ANKS1B: variants seen among roughly 807,000 people sequenced by gnomAD.
ANKS1B encodes ankyrin repeat and sterile alpha motif domain-containing protein 1B.
A neutral mutation model predicts 148.3 loss-of-function variants in ANKS1B; 36 were observed. That is an observed-to-expected ratio of 0.24 (90% CI 0.19 to 0.32). The LOEUF (loss-of-function observed/expected upper bound fraction) is 0.32. Among genes scored for constraint, ANKS1B ranks in the 10% least tolerant of loss-of-function variants. The pLI, the probability that ANKS1B is intolerant of heterozygous loss-of-function variation, is 1.00. For missense variants in ANKS1B, 1,157 were observed against 1,542.6 expected, an observed-to-expected ratio of 0.75 and a Z score of 4.19; for synonymous variants, 542 against 560.8, an observed-to-expected ratio of 0.97 and a Z score of 0.47.
rs534503957 is a variant in ANKS1B, at chr12:99,138,072, G to A, written c.2526+16217C>T. On this transcript the variant is annotated intron_variant, in intron 15 of 26. Transcript: ENST00000683438. The stretch of plus-strand genomic sequence containing the variant: ...TATTAGCATCATTACTATGATCAAT[G>A]TTTGTATTTAGAAGCCCTAGCATAA... Among the ~76,000 whole-genome samples the A allele has an allele frequency of 2.4e-4, 36 of 152,282 alleles. No individual in the cohort carries two copies. In the South Asian group the frequency reaches 6.4e-3, roughly 27 times the overall value.
rs372034519 is a variant in ANKS1B, at chr12:99,132,086, C to T, written c.2526+22203G>A. Among the ~76,000 whole-genome samples, 59 of 152,244 alleles carry T rather than the reference C, an allele frequency of 3.9e-4. No individual in the cohort carries two copies. In the South Asian group the frequency reaches 0.012, roughly 30 times the overall value. On this transcript the variant is annotated intron_variant, in intron 15 of 26. Coordinates refer to ENST00000683438, the MANE Select transcript of ANKS1B (RefSeq NM_001352186.2). ...CCAAGACTCCCCCTCCTTCCAGCAC[C>T]GCCTCATGGTTTCCATGGCAACAGA... is the stretch of plus-strand genomic sequence containing the variant.
chr12:99,530,607 T>C (rs979700327), intron 9 of ANKS1B, among the ~76,000 whole-genome samples: 8 of 152,196 alleles, frequency 5.3e-5, no homozygotes, highest in Non-Finnish European at 1.2e-4. Flanking sequence ...CCATTTTTAT[T>C]AATCACAACA....
intron 1 of ANKS1B, among the ~76,000 whole-genome samples, chr12:99,834,721 C>A (rs984066816): frequency 6.6e-5 from 10 of 152,122 alleles, no homozygotes; most frequent in Non-Finnish European, 1.3e-4. Flanking sequence ...ATTATTATAC[C>A]TTCCATCAGT....
chr12:99,370,950 G>A (rs1231924492), intron 12 of ANKS1B, among the ~76,000 whole-genome samples: 2 of 152,070 alleles, frequency 1.3e-5, no homozygotes, highest in African/African-American at 2.4e-5. Context: ...GACAAACTGG[G>A]TTTCATATTC....
intron 8 of ANKS1B, among the ~76,000 whole-genome samples, chr12:99,700,589 A>G (rs1403956513): frequency 6.6e-6 from 1 of 152,076 alleles, no homozygotes; most frequent in Non-Finnish European, 1.5e-5. Flanking sequence ...CTCAGCACAT[A>G]ATATTTTTTT....
chr12:99,131,191 C>A (rs1356435570), intron 15 of ANKS1B, among the ~76,000 whole-genome samples: 3 of 152,172 alleles, frequency 2.0e-5, no homozygotes, highest in Non-Finnish European at 4.4e-5. Flanking sequence ...GGGGCCAGGA[C>A]AGTCCCTGGC....
intron 8 of ANKS1B, among the ~76,000 whole-genome samples, chr12:99,697,826 G>C (rs1323021429): frequency 1.3e-5 from 2 of 152,106 alleles, no homozygotes; most frequent in Non-Finnish European, 2.9e-5. Flanking sequence ...AGGAGAAATG[G>C]GAGAGGTAGC....
intron 14 of ANKS1B, among the ~76,000 whole-genome samples, chr12:99,198,003 C>T (rs1258400065): frequency 6.6e-6 from 1 of 152,076 alleles, no homozygotes; most frequent in Non-Finnish European, 1.5e-5. Flanking sequence ...CATCTATCTT[C>T]CACACTGATG....
At chr12:99,241,440 C>G (rs1051340583) in intron 14 of ANKS1B, among the ~76,000 whole-genome samples, 1 of 152,098 alleles carries the variant, frequency 6.6e-6, no homozygotes, top group Non-Finnish European at 1.5e-5. Flanking sequence ...CAGGACAAGA[C>G]AAATTCACAG....
intron 8 of ANKS1B, among the ~76,000 whole-genome samples, chr12:99,691,536 C>T (rs1290630418): frequency 6.6e-6 from 1 of 152,184 alleles, no homozygotes; most frequent in African/African-American, 2.4e-5. Context: ...CAAAATGCTG[C>T]CAGTCTCTTT....
chr12:99,293,010 C>A (rs1300058337), intron 12 of ANKS1B, among the ~76,000 whole-genome samples: 3 of 152,142 alleles, frequency 2.0e-5, no homozygotes, highest in African/African-American at 4.8e-5. Context: ...GATATATACC[C>A]AAAGGATTAC....
In ANKS1B at chr12:98,745,098, C is replaced by T; in HGVS notation, c.*641G>A. 1.0e-6 allele frequency: 1 copy of T among 985,838 alleles called. No homozygotes were observed. The highest frequency in any genetic ancestry group is 1.2e-6 in the Non-Finnish European group (1 of 829,926). 61.1% of individuals were successfully genotyped at this position (985,838 alleles called of 1,614,324 possible). A position where few individuals can be genotyped will look rare whatever the true frequency, so the allele number is the denominator to read the frequency against. On this transcript the variant is annotated 3_prime_UTR_variant, in exon 27 of 27. Coordinates refer to ENST00000683438, the MANE Select transcript of ANKS1B (RefSeq NM_001352186.2). ...CATAATAAATTCCTCTGCTTTGAAT[C>T]ATTCTTTCCTTTTGAACCAATCATT...
chr12:99,634,113 A>T (rs911912729), intron 9 of ANKS1B, among the ~76,000 whole-genome samples: 1 of 152,344 alleles, frequency 6.6e-6, no homozygotes, highest in African/African-American at 2.4e-5. Context: ...TCCCATTTCA[A>T]AACTCATGTT....
At chr12:99,861,383 C>A (rs2089992956) in intron 1 of ANKS1B, among the ~76,000 whole-genome samples, 1 of 152,068 alleles carries the variant, frequency 6.6e-6, no homozygotes, top group Non-Finnish European at 1.5e-5. Context: ...AGTGTAATTT[C>A]TTTAAAAAGA....
intron 10 of ANKS1B, among the ~76,000 whole-genome samples, chr12:99,469,750 G>C (rs1052713388): frequency 6.6e-6 from 1 of 152,072 alleles, no homozygotes; most frequent in African/African-American, 2.4e-5. Flanking sequence ...ACTAAAATAA[G>C]TTTAAATTTA....
At chr12:99,621,560 A>T (rs1008321271) in intron 9 of ANKS1B, among the ~76,000 whole-genome samples, 1 of 152,064 alleles carries the variant, frequency 6.6e-6, no homozygotes, top group African/African-American at 2.4e-5. Flanking sequence ...GGTTAGAGAA[A>T]GATCTACCAT....
intron 8 of ANKS1B, among the ~76,000 whole-genome samples, chr12:99,737,634 C>T (rs2059733103): frequency 6.6e-6 from 1 of 151,916 alleles, no homozygotes; most frequent in Non-Finnish European, 1.5e-5. Context: ...TTTTTGGCCA[C>T]CTCTACAGCA....
rs1450463561 is a variant in ANKS1B, at chr12:99,246,358, T to C, written c.2263A>G (p.Asn755Asp). The C allele has an allele frequency of 9.3e-6, 15 of 1,613,830 alleles. No individual in the cohort carries two copies. Among genetic ancestry groups the C allele is most frequent in the Non-Finnish European group, 1.3e-5 (15 of 1,179,804 alleles). ...YPSNEKTSRV[N>D]WSESSTAEHS... is the part of the protein sequence containing the mutation. Reference sequence around the variant, plus strand: ...TCAGCAGTGGAAGATTCACTCCAGTTAACTCTTGATGTTTTCTCATTGGAA... The same window carrying C: ...TCAGCAGTGGAAGATTCACTCCAGTCAACTCTTGATGTTTTCTCATTGGAA... Residue 755 changes from asparagine (N) to aspartate (D), a missense_variant, in exon 13 of 27, where the codon AAC becomes GAC. Physicochemically the swap from Asn to Asp is conservative, Grantham distance 23. This residue lies in a region of ANKS1B where 661 missense variants were observed against 642.1 expected (regional missense o/e 1.03). Transcript: ENST00000683438.
chr12:99,577,470 A>G (rs1013029867), intron 9 of ANKS1B, among the ~76,000 whole-genome samples: 15 of 151,738 alleles, frequency 9.9e-5, no homozygotes, highest in African/African-American at 3.4e-4. Flanking sequence ...AATAAGATCA[A>G]TAGACTGCTG....
Sources: allele counts gnomAD v4.1 joint callset (sites outside exome capture counted in the v4.1 genomes callset), GRCh38; gene constraint gnomAD v4.1.1; regional missense constraint gnomAD v4.1.1; transcripts MANE v1.5; gene names NCBI Gene and HGNC (gene_info 2026-07-23, HGNC 2026-07-21).